Variants in WDR1 observed in about 807,000 individuals in gnomAD.
The protein encoded by WDR1 is WD repeat domain 1.
In WDR1, 21 loss-of-function variants were observed where a neutral mutation model predicts 71.9. The observed-to-expected ratio is 0.29, with a 90% confidence interval of 0.21 to 0.42. The LOEUF is 0.42. WDR1 is among the 10% of genes least tolerant of loss of function. The pLI is 1.00. For missense variants in WDR1, 696 were observed against 824.5 expected (o/e 0.84, Z 1.91); for synonymous variants, 424 against 347.4 (o/e 1.22, Z -2.45).
intron 8 of WDR1, among the ~76,000 whole-genome samples, chr4:10,085,424 T>A (rs1312908380): frequency 1.3e-5 from 2 of 152,012 alleles, no homozygotes; most frequent in African/African-American, 4.8e-5. Flanking sequence ...CACAGAGACG[T>A]GGGGAAAAAT....
At chr4:10,088,639 C>T (rs1289763166) in intron 6 of WDR1, 25 bp downstream of exon 6, 2 of 1,581,014 alleles carry the variant, frequency 1.3e-6, no homozygotes, top group African/African-American at 1.3e-5. Context: ...CCATTCCCCA[C>T]CCCAAAACCC....
At chr4:10,075,522 T>C in intron 14 of WDR1, 38 bp from the exon 15 acceptor site, 1 of 1,580,830 alleles carries the variant, frequency 6.3e-7, no homozygotes, top group Non-Finnish European at 8.7e-7. Flanking sequence ...AAAGCCAAAC[T>C]TCTCTGCAAC....
chr4:10,089,900 C>G (rs1267285341), intron 5 of WDR1, among the ~76,000 whole-genome samples: 2 of 152,134 alleles, frequency 1.3e-5, no homozygotes. Flanking sequence ...ACCCTGGGAC[C>G]CAATGAGACC....
intron 5 of WDR1, chr4:10,092,185 CT>C (rs35741661): frequency 0.63 from 96,504 of 152,012 alleles, 31,904 homozygotes; most frequent in Middle Eastern, 0.77. Flanking sequence ...TGGCTGACCC[CT>C]GGGTCCTTCT....
At position 10,099,084 on chromosome 4, in the gene WDR1, CT is replaced by C. The variant is rs1416090332; in HGVS notation, c.284del (p.Lys95SerfsTer171). Reference sequence around the variant, plus strand: ...TCCCAGCGAAAGGCTGGTACTCATACTTCAACAGGTGCTCCTTCTGCGTGGT... The same window carrying C: ...TCCCAGCGAAAGGCTGGTACTCATACTCAACAGGTGCTCCTTCTGCGTGGT... ...WDTTQKEHLL[K>X]YEYQPFAGKI... On this transcript the variant is annotated frameshift_variant, in exon 4 of 15. Transcript: ENST00000499869. LOFTEE classifies it high-confidence loss of function. The C allele has an allele frequency of 6.2e-7, 1 of 1,606,362 alleles. No individual in the cohort carries two copies. The highest frequency in any genetic ancestry group is 8.5e-7 in the Non-Finnish European group (1 of 1,175,578).
At chr4:10,106,620 G>A (rs538876904) in intron 2 of WDR1, 1 of 152,358 alleles carries the variant, frequency 6.6e-6, no homozygotes, top group African/African-American at 2.4e-5. Context: ...CCTGGGCAGG[G>A]GCATGAGAGG....
At chr4:10,082,835 A>G (rs1052555646) in intron 10 of WDR1, among the ~76,000 whole-genome samples, 187 bp downstream of exon 10, 1 of 152,182 alleles carries the variant, frequency 6.6e-6, no homozygotes, top group Non-Finnish European at 1.5e-5. Flanking sequence ...CATTACCCAG[A>G]CCACCTGGAT....
At chr4:10,103,235 A>G (rs1712804029) in intron 3 of WDR1, among the ~76,000 whole-genome samples, 2 of 151,522 alleles carry the variant, frequency 1.3e-5, no homozygotes, top group Admixed American at 1.3e-4. Flanking sequence ...CAGCGGGTAA[A>G]GATGACACAA....
intron 13 of WDR1, 148 bp from the exon 14 acceptor site, chr4:10,077,596 C>T (rs1016961549): frequency 6.7e-7 from 1 of 1,483,912 alleles, no homozygotes; most frequent in Non-Finnish European, 9.1e-7. Flanking sequence ...AACCCACTGA[C>T]TCCTCAGAAG....
At chr4:10,078,855 A>C (rs1764899102) in intron 12 of WDR1, 36 bp downstream of exon 12, 2 of 1,568,272 alleles carry the variant, frequency 1.3e-6, no homozygotes, top group African/African-American at 2.7e-5. Flanking sequence ...CCAGATACCA[A>C]GGACAGAGAG....
intron 2 of WDR1, 54 bp downstream of exon 2, chr4:10,116,059 C>A: frequency 6.3e-7 from 1 of 1,587,690 alleles, no homozygotes; most frequent in East Asian, 2.3e-5. Flanking sequence ...GGCGAATTAT[C>A]CCATCCCAAG....
At position 10,088,751 on chromosome 4, in the gene WDR1, A is replaced by G. The variant is rs1434571470; in HGVS notation, c.559-10T>C. ...CAAAGCGGCTGTGGTCCTGCAGGAAAACAATTACCTGCCTGATGAGGGGCC... is the reference window on the plus strand; with the variant it reads ...CAAAGCGGCTGTGGTCCTGCAGGAAGACAATTACCTGCCTGATGAGGGGCC... On this transcript the variant is annotated splice_polypyrimidine_tract_variant and intron_variant, in intron 5 of 14. Coordinates refer to ENST00000499869, the MANE Select transcript of WDR1 (RefSeq NM_017491.5). The G allele has an allele frequency of 1.3e-6, 2 of 1,587,464 alleles. No homozygotes were observed. The highest frequency in any genetic ancestry group is 1.7e-6 in the Non-Finnish European group (2 of 1,166,122).
At chr4:10,078,439 T>C (rs1764882434) in intron 12 of WDR1, among the ~76,000 whole-genome samples, 1 of 152,154 alleles carries the variant, frequency 6.6e-6, no homozygotes, top group Non-Finnish European at 1.5e-5. Context: ...AACTGTAAAA[T>C]GTCTGGTTAG....
At chr4:10,090,773 C>T (rs558066951) in intron 5 of WDR1, among the ~76,000 whole-genome samples, 1 of 152,348 alleles carries the variant, frequency 6.6e-6, no homozygotes, top group South Asian at 2.1e-4. Context: ...CACATTCTGA[C>T]AAGGGGAGTC....
intron 5 of WDR1, chr4:10,092,652 C>G (rs897892099): frequency 7.8e-6 from 2 of 257,932 alleles, no homozygotes; most frequent in African/African-American, 4.4e-5. Context: ...AATGCAGACA[C>G]TGATGTCTGC....
At chr4:10,077,960 C>G in intron 12 of WDR1, 34 bp from the exon 13 acceptor site, 2 of 1,570,028 alleles carry the variant, frequency 1.3e-6, no homozygotes, top group African/African-American at 1.4e-5. Flanking sequence ...TGAGCCACCC[C>G]TGAACACACA....
At chr4:10,088,565 T>C (rs1193251571) in intron 6 of WDR1, 99 bp downstream of exon 6, 2 of 1,210,896 alleles carry the variant, frequency 1.7e-6, no homozygotes, top group Admixed American at 3.9e-5. Context: ...GTCTAAGTTC[T>C]GCATGTCAGG....
rs776070836 is a variant in WDR1 at position 10,087,930 on chromosome 4, C to T, written c.728G>A (p.Ser243Asn). The change falls in exon 8 of 15, where the codon AGT (serine) becomes AAT (asparagine). Residue 243 changes from serine to asparagine, a missense_variant. Physicochemically the swap from Ser to Asn is conservative, Grantham distance 46. Transcript: ENST00000499869. ...AGAAAGCAAATGGGTGCTGTCGGGA[C>T]TCCAACTAATCTATTCAGAAAAAAG... ...HDGGIYAISW[S>N]PDSTHLLSAS... The T allele has an allele frequency of 7.7e-6, 12 of 1,553,366 alleles. No homozygotes were observed. In the South Asian group the frequency reaches 1.2e-4, roughly 15 times the overall value.
At chr4:10,094,373 C>T (rs1412563644) in intron 5 of WDR1, among the ~76,000 whole-genome samples, 2 of 152,198 alleles carry the variant, frequency 1.3e-5, no homozygotes, top group African/African-American at 2.4e-5. Context: ...AGGCAAAGAA[C>T]CTGGCCCAAG....
Sources: allele counts gnomAD v4.1 joint callset (sites outside exome capture counted in the v4.1 genomes callset), GRCh38; gene constraint gnomAD v4.1.1; transcripts MANE v1.5; gene names NCBI Gene and HGNC (gene_info 2026-07-23, HGNC 2026-07-21).